ARHGEF10L: variants seen among roughly 807,000 people sequenced by gnomAD.
The protein encoded by ARHGEF10L is Rho guanine nucleotide exchange factor 10 like.
In ARHGEF10L, 69 loss-of-function variants were observed where a neutral mutation model predicts 141.2. The ratio of observed to expected loss-of-function variants is 0.49; its 90% CI spans 0.40 to 0.60. The LOEUF (loss-of-function observed/expected upper bound fraction) is 0.60. Ranked by LOEUF, ARHGEF10L falls within the 20% of genes least tolerant of loss-of-function variation. The probability of loss-of-function intolerance (pLI) is 0.00; values close to 1 mark genes in which losing one functional copy is unlikely to be tolerated. For missense variants in ARHGEF10L, 1,482 were observed against 1,734.3 expected (o/e 0.85, Z 2.58); for synonymous variants, 711 against 718.5 (o/e 0.99, Z 0.17).
intron 21 of ARHGEF10L, among the ~76,000 whole-genome samples, 185 bp from the exon 22 acceptor site, chr1:17,648,369 C>G (rs2061716513): frequency 6.6e-6 from 1 of 152,168 alleles, no homozygotes; most frequent in Non-Finnish European, 1.5e-5. Context: ...GCCTGAGACC[C>G]TGGCCACGGC....
chr1:17,613,938 G>A (rs1271718840), intron 8 of ARHGEF10L, among the ~76,000 whole-genome samples: 1 of 152,234 alleles, frequency 6.6e-6, no homozygotes, highest in Non-Finnish European at 1.5e-5. Flanking sequence ...GAAGGTCAAC[G>A]ATCAGGCCTC....
the ARHGEF10L span, among the ~76,000 whole-genome samples, chr1:17,529,544 G>T: frequency 6.6e-6 from 1 of 152,230 alleles, no homozygotes; most frequent in African/African-American, 2.4e-5. Flanking sequence ...AGGGAAGCCT[G>T]GGCCACCACA....
In ARHGEF10L at chr1:17,656,247, C is replaced by G. The variant is rs1301442504; in HGVS notation, c.2705+145C>G. On this transcript the variant is annotated intron_variant, in intron 24 of 28. Transcript: ENST00000361221. The surrounding 1 kb of genome is among the most constrained non-coding windows in gnomAD (Gnocchi z 4.9). ...CCAGGAAGGTGGGCACCAGAGCTGC[C>G]CAGTGTGGGAGCCAAAGTGTCGGGA... is the stretch of plus-strand genomic sequence containing the variant. 1.9e-6 allele frequency: 2 copies of G among 1,063,016 alleles called. No homozygotes were observed. Among genetic ancestry groups the G allele is most frequent in the South Asian group, 3.1e-5 (2 of 63,682 alleles). The allele number at this position is 1,063,016 out of a possible 1,614,324, so 65.8% of individuals were successfully genotyped here.
chr1:17,665,673 G>A (rs184993315), intron 26 of ARHGEF10L, among the ~76,000 whole-genome samples: 56 of 152,316 alleles, frequency 3.7e-4, no homozygotes, highest in East Asian at 2.3e-3. Context: ...TAAGTGTCCC[G>A]TTCCTGGAAT....
the ARHGEF10L span, among the ~76,000 whole-genome samples, chr1:17,533,929 A>G: frequency 6.6e-6 from 1 of 151,842 alleles, no homozygotes; most frequent in African/African-American, 2.4e-5. Flanking sequence ...CAGACTCGGG[A>G]AGTCCACATT....
At chr1:17,674,784 T>C (rs2063541746) in intron 26 of ARHGEF10L, among the ~76,000 whole-genome samples, 1 of 152,220 alleles carries the variant, frequency 6.6e-6, no homozygotes, top group African/African-American at 2.4e-5. Flanking sequence ...TTTAGATATG[T>C]TCAGATTCAC....
At chr1:17,571,340 G>T (rs1570535775) in intron 1 of ARHGEF10L, among the ~76,000 whole-genome samples, 1 of 152,068 alleles carries the variant, frequency 6.6e-6, no homozygotes, top group South Asian at 2.1e-4. Context: ...AGGTGACCTC[G>T]TGAGCTGGCT....
At chr1:17,517,108 A>G in the ARHGEF10L span, among the ~76,000 whole-genome samples, 1 of 152,150 alleles carries the variant, frequency 6.6e-6, no homozygotes, top group Non-Finnish European at 1.5e-5. Context: ...GTGCTCCAGG[A>G]CTTTTCAATC....
the ARHGEF10L span, among the ~76,000 whole-genome samples, chr1:17,514,374 G>T: frequency 2.6e-5 from 4 of 152,040 alleles, no homozygotes; most frequent in African/African-American, 9.7e-5. Flanking sequence ...GATCTCAAGT[G>T]ATCCACCCGC....
chr1:17,537,502 G>A (rs2076592134), upstream of ARHGEF10L, among the ~76,000 whole-genome samples: 3 of 152,302 alleles, frequency 2.0e-5, no homozygotes, highest in Admixed American at 2.0e-4. Flanking sequence ...GGTCAAATCA[G>A]TTATGCACCC....
intron 15 of ARHGEF10L, among the ~76,000 whole-genome samples, chr1:17,630,463 C>T (rs1011086796): frequency 2.6e-5 from 4 of 152,162 alleles, no homozygotes; most frequent in Admixed American, 1.3e-4. Context: ...CTTGAGTTGG[C>T]GTTTGGTTTC....
At chr1:17,653,176 T>C (rs568379551) in intron 22 of ARHGEF10L, among the ~76,000 whole-genome samples, 4 of 152,290 alleles carry the variant, frequency 2.6e-5, no homozygotes, top group African/African-American at 7.2e-5. Flanking sequence ...CTCTGCTCTG[T>C]AGGTGAGGAC....
chr1:17,614,996 G>A (rs1028109327), intron 8 of ARHGEF10L: 3 of 152,268 alleles, frequency 2.0e-5, no homozygotes, highest in African/African-American at 7.2e-5. Flanking sequence ...TCAGCAGAGA[G>A]TTTTAGGAAG....
At chr1:17,588,418 A>C in intron 3 of ARHGEF10L, 28 bp from the exon 4 acceptor site, 1 of 1,613,524 alleles carries the variant, frequency 6.2e-7, no homozygotes, top group South Asian at 1.1e-5. Flanking sequence ...CTGGCCTGAC[A>C]GGCTCTCTGT....
chr1:17,684,815 C>T (rs1360961705), intron 26 of ARHGEF10L, among the ~76,000 whole-genome samples: 2 of 152,212 alleles, frequency 1.3e-5, no homozygotes, highest in Non-Finnish European at 2.9e-5. Flanking sequence ...AGAGGAACCA[C>T]ACTGCTGTCT....
At position 17,556,112 on chromosome 1, in the gene ARHGEF10L, TG is replaced by T. The variant is rs1240795148; in HGVS notation, c.-44+16170del. ...GAACACAGGGATGAGCCTGGGAGCA[TG>T]GGGGGGGCCTGGAAACACAGGGGGG... On this transcript the variant is annotated intron_variant, in intron 1 of 28. Transcript: ENST00000361221. Among the ~76,000 whole-genome samples, 4 of 57,900 alleles carry T rather than the reference TG, an allele frequency of 6.9e-5. No homozygotes were observed. The East Asian group carries it at 1.8e-3, about 27-fold the overall frequency. The allele number at this position is 57,900 out of a possible 152,430, so 38.0% of individuals were successfully genotyped here.
At chr1:17,551,170 TTGTC>T (rs2077098167) in intron 1 of ARHGEF10L, among the ~76,000 whole-genome samples, 1 of 152,060 alleles carries the variant, frequency 6.6e-6, no homozygotes, top group Non-Finnish European at 1.5e-5. Context: ...TTGTTTTCAT[TTGTC>T]TGTCCTTGCA....
intron 4 of ARHGEF10L, among the ~76,000 whole-genome samples, chr1:17,595,572 C>G (rs1376889486): frequency 6.6e-6 from 1 of 152,194 alleles, no homozygotes; most frequent in Admixed American, 6.5e-5. Context: ...TCTCACTGCT[C>G]TCTACTCATC....
At chr1:17,567,491 T>G (rs1010779764) in intron 1 of ARHGEF10L, among the ~76,000 whole-genome samples, 1 of 152,186 alleles carries the variant, frequency 6.6e-6, no homozygotes, top group Non-Finnish European at 1.5e-5. Context: ...TTCAGCCTCT[T>G]GAGTAGCTGG....
Sources: allele counts gnomAD v4.1 joint callset (sites outside exome capture counted in the v4.1 genomes callset), GRCh38; gene constraint gnomAD v4.1.1; non-coding constraint Gnocchi (gnomAD v3.1); transcripts MANE v1.5; gene names NCBI Gene and HGNC (gene_info 2026-07-23, HGNC 2026-07-21).